OTOGL: variants seen among roughly 807,000 people sequenced by gnomAD.
OTOGL encodes otogelin-like protein.
OTOGL carries 285 observed loss-of-function variants against 318.5 expected under a neutral mutation model. The ratio of observed to expected loss-of-function variants is 0.89; its 90% CI spans 0.81 to 0.99. The LOEUF (loss-of-function observed/expected upper bound fraction) is 0.99. Ranked by LOEUF, OTOGL falls within the 50% of genes least tolerant of loss-of-function variation. The pLI, the probability that OTOGL is intolerant of heterozygous loss-of-function variation, is 0.00. For synonymous variants in OTOGL, 987 were observed against 936.5 expected, an observed-to-expected ratio of 1.05 and a Z score of -0.99; for missense variants, 2,899 against 2,845.6, an observed-to-expected ratio of 1.02 and a Z score of -0.43.
In OTOGL at chr12:80,339,192, C is replaced by T. The variant is rs1888597674; in HGVS notation, c.4978C>T (p.His1660Tyr). 6.2e-7 allele frequency: 1 copy of T among 1,610,224 alleles called. No individual in the cohort carries two copies. Among genetic ancestry groups the T allele is most frequent in the African/African-American group, 1.3e-5 (1 of 74,662 alleles). The change falls in exon 43 of 59, where the codon CAT becomes TAT. Residue 1660 changes from histidine (H) to tyrosine (Y), a missense_variant. Around this residue, in one of 3 missense-constraint regions of OTOGL, gnomAD observed 2,607 missense variants for 2,524.9 expected, o/e 1.03. Transcript: ENST00000547103. ...AGCTGGACTAATCATAAAGTGGTCT[C>T]ATCTTACAGGAATCATAGACATTCA... ...TPAGLIIKWS[H>Y]LTGIIDIHFG... is the part of the protein sequence containing the mutation.
rs71717494 is a variant in OTOGL at position 80,219,790 on chromosome 12, C to CT, written c.236-10dup. On this transcript the variant is annotated intron_variant, in intron 5 of 58. Coordinates refer to ENST00000547103, the MANE Select transcript of OTOGL (RefSeq NM_001378609.3). ...AGAACAAATGGATGCCAGAAGATAA[C>CT]TTTTTTTTTTTTTTCCCCCTCAGGT... The CT allele has an allele frequency of 0.19, 212,668 of 1,117,720 alleles. 6,227 individuals carry two copies. Among genetic ancestry groups the CT allele is most frequent in the African/African-American group, 0.48 (30,654 of 63,820 alleles). 69.2% of individuals were successfully genotyped at this position (1,117,720 alleles called of 1,614,324 possible).
intron 7 of OTOGL, among the ~76,000 whole-genome samples, chr12:80,226,205 C>T (rs1878833082): frequency 6.6e-6 from 1 of 151,336 alleles, no homozygotes; most frequent in Non-Finnish European, 1.5e-5. Context: ...CACACACACA[C>T]ACACACACAC....
intron 11 of OTOGL, among the ~76,000 whole-genome samples, chr12:80,246,305 TA>T: frequency 1.3e-5 from 2 of 148,254 alleles, no homozygotes; most frequent in Middle Eastern, 6.8e-3. Flanking sequence ...GGGTTTGTCA[TA>T]GATAGCTCTT....
chr12:80,336,804 A>T lies in OTOGL; in HGVS notation c.4751A>T (p.Asn1584Ile), dbSNP rs770706348. The T allele has an allele frequency of 6.6e-6, 10 of 1,524,986 alleles. No homozygotes were observed. The Admixed American group carries it at 1.8e-4, about 28-fold the overall frequency. 94.5% of individuals were successfully genotyped at this position (1,524,986 alleles called of 1,614,324 possible). The change falls in exon 41 of 59, where the codon AAC becomes ATC. Residue 1584 changes from asparagine to isoleucine, a missense_variant. Asn to Ile is a moderately radical substitution (Grantham distance 149). Transcript: ENST00000547103. ...IEKCSMNQNGNSLKKLAPSGR... is the reference protein window; with the variant it reads ...IEKCSMNQNGISLKKLAPSGR... Reference sequence around the variant, plus strand: ...TTCTTTTTTTTTTTCCAGAATGGAAACTCCTTAAAAAAGCTAGTGAGTATT... The same window carrying T: ...TTCTTTTTTTTTTTCCAGAATGGAATCTCCTTAAAAAAGCTAGTGAGTATT...
chr12:80,122,159 G>GA (rs1038602403), intron 1 of OTOGL, among the ~76,000 whole-genome samples: 2 of 151,274 alleles, frequency 1.3e-5, no homozygotes, highest in Non-Finnish European at 3.0e-5. Flanking sequence ...TAACTAAAAA[G>GA]AAAAAAAAGT....
At chr12:80,216,110 G>GT (rs1243708227) in intron 4 of OTOGL, among the ~76,000 whole-genome samples, 1 of 151,980 alleles carries the variant, frequency 6.6e-6, no homozygotes, top group Non-Finnish European at 1.5e-5. Context: ...GAGTCCAGGA[G>GT]TTAAGCCCAG....
chr12:80,218,539 G>A (rs527380763), intron 5 of OTOGL, among the ~76,000 whole-genome samples: 2 of 152,228 alleles, frequency 1.3e-5, no homozygotes, highest in South Asian at 4.1e-4. Context: ...AGTTTTGCCA[G>A]TTGCCTCTTG....
At chr12:80,297,251 A>G (rs1470980064) in intron 27 of OTOGL, among the ~76,000 whole-genome samples, 1 of 151,066 alleles carries the variant, frequency 6.6e-6, no homozygotes, top group Non-Finnish European at 1.5e-5. Context: ...TCCAGGCTAG[A>G]CTCTTGGCTT....
intron 44 of OTOGL, among the ~76,000 whole-genome samples, chr12:80,347,664 T>C (rs1236535121): frequency 1.3e-5 from 2 of 152,172 alleles, no homozygotes; most frequent in Non-Finnish European, 2.9e-5. Flanking sequence ...GGTCAAATGG[T>C]ATTTCTGGTT....
intron 47 of OTOGL, 30 bp downstream of exon 47, chr12:80,355,978 G>T: frequency 1.3e-6 from 2 of 1,591,496 alleles, no homozygotes; most frequent in South Asian, 2.2e-5. Flanking sequence ...ATAGTCAATT[G>T]ATTCCACAAA....
At chr12:80,310,750 T>A in intron 30 of OTOGL, 23 bp downstream of exon 30, 2 of 1,505,146 alleles carry the variant, frequency 1.3e-6, no homozygotes, top group Non-Finnish European at 1.8e-6. Context: ...TTTAATGAAC[T>A]CTCGAGTTTC....
intron 27 of OTOGL, among the ~76,000 whole-genome samples, chr12:80,298,196 T>C (rs1223812888): frequency 6.6e-6 from 1 of 152,228 alleles, no homozygotes; most frequent in African/African-American, 2.4e-5. Flanking sequence ...TAAATAAGGA[T>C]GCACATGGTA....
At chr12:80,154,700 T>A (rs192441747) in intron 1 of OTOGL, among the ~76,000 whole-genome samples, 2 of 152,354 alleles carry the variant, frequency 1.3e-5, no homozygotes, top group East Asian at 3.9e-4. Flanking sequence ...CTGAAGGATA[T>A]CTTAATTGCT....
At chr12:80,226,257 C>T (rs1357453510) in intron 7 of OTOGL, among the ~76,000 whole-genome samples, 1 of 148,618 alleles carries the variant, frequency 6.7e-6, no homozygotes, top group African/African-American at 2.5e-5. Flanking sequence ...GTTATGTCAC[C>T]ATTTTTGGTT....
intron 29 of OTOGL, among the ~76,000 whole-genome samples, chr12:80,307,906 T>C (rs1289480714): frequency 1.9e-5 from 2 of 106,588 alleles, no homozygotes; most frequent in East Asian, 5.8e-4. Context: ...ACGGGGCGGC[T>C]GGCCGGGCGG....
At chr12:80,147,574 C>A (rs1211467779) in intron 1 of OTOGL, among the ~76,000 whole-genome samples, 1 of 151,894 alleles carries the variant, frequency 6.6e-6, no homozygotes, top group Non-Finnish European at 1.5e-5. Flanking sequence ...ATTAGGTCTG[C>A]TTGGTGCAGA....
At chr12:80,178,061 CTTTTTTTTTT>C (rs71094968) in intron 1 of OTOGL, among the ~76,000 whole-genome samples, 1 of 74,920 alleles carries the variant, frequency 1.3e-5, no homozygotes, top group African/African-American at 4.7e-5. Context: ...TTCTTTCTTT[CTTTTTTTTTT>C]TTTTTTTTTT....
chr12:80,266,552 G>A lies in OTOGL; in HGVS notation c.2326G>A (p.Ala776Thr), dbSNP rs1285401330. The A allele has an allele frequency of 1.2e-6, 2 of 1,613,408 alleles. No individual in the cohort carries two copies. The highest frequency in any genetic ancestry group is 1.3e-5 in the African/African-American group (1 of 74,896). ...CCCGGAGCAGTGCAGTGATGACTGT[G>A]CTGAAGGCTGTAATTGTCCGGAAGG... is the stretch of plus-strand genomic sequence containing the variant. ...SSPEQCSDDC[A>T]EGCNCPEGKF... Residue 776 changes from alanine (A) to threonine (T), a missense_variant, in exon 21 of 59, where the codon GCT (alanine) becomes ACT (threonine). Transcript: ENST00000547103.
intron 1 of OTOGL, among the ~76,000 whole-genome samples, chr12:80,147,429 A>C (rs1185046292): frequency 6.6e-6 from 1 of 151,002 alleles, no homozygotes; most frequent in Non-Finnish European, 1.5e-5. Flanking sequence ...ACAGTTTGTT[A>C]TAATCTCTGT....
Sources: allele counts gnomAD v4.1 joint callset (sites outside exome capture counted in the v4.1 genomes callset), GRCh38; gene constraint gnomAD v4.1.1; regional missense constraint gnomAD v4.1.1; transcripts MANE v1.5; gene names NCBI Gene and HGNC (gene_info 2026-07-23, HGNC 2026-07-21).